STXBP4: variants seen among roughly 807,000 people sequenced by gnomAD.
STXBP4 encodes the protein syntaxin-binding protein 4.
In STXBP4, 55 loss-of-function variants were observed where a neutral mutation model predicts 76.1. The ratio of observed to expected loss-of-function variants is 0.72; its 90% CI spans 0.58 to 0.91. The LOEUF (loss-of-function observed/expected upper bound fraction) is 0.91, where lower values mean the gene tolerates loss of function less well. Ranked by LOEUF, STXBP4 falls within the 40% of genes least tolerant of loss-of-function variation. The pLI, the probability that STXBP4 is intolerant of heterozygous loss-of-function variation, is 0.00. For missense variants in STXBP4, 618 were observed against 636.9 expected (o/e 0.97, Z 0.32); for synonymous variants, 201 against 220.2 (o/e 0.91, Z 0.77).
the STXBP4 span, among the ~76,000 whole-genome samples, chr17:55,193,830 A>AAAT: frequency 6.6e-6 from 1 of 151,354 alleles, no homozygotes; most frequent in East Asian, 1.9e-4. Flanking sequence ...AAAAAAAAAA[A>AAAT]AAAACGTAAT....
Position 55,169,228 on chromosome 17 carries a change from G to A in STXBP4, c.*9317G>A, listed in dbSNP as rs1162476996. ...AAACCCACAAAAAGTGTGATGTCAA[G>A]CAAAGCCTATTCTGGAGATGACTTT... On this transcript the variant is annotated 3_prime_UTR_variant, in exon 18 of 18. Coordinates refer to ENST00000376352, the MANE Select transcript of STXBP4 (RefSeq NM_178509.6). 3 of 152,210 alleles carry A rather than the reference G, an allele frequency of 2.0e-5. No homozygotes were observed. The East Asian group carries it at 5.8e-4, about 29-fold the overall frequency. 9.4% of individuals were successfully genotyped at this position (152,210 alleles called of 1,614,324 possible).
At chr17:55,119,813 A>G (rs1198797294) in intron 16 of STXBP4, among the ~76,000 whole-genome samples, 1 of 152,106 alleles carries the variant, frequency 6.6e-6, no homozygotes, top group South Asian at 2.1e-4. Context: ...AAATCTTACA[A>G]TATTAGTTAA....
At position 55,081,058 on chromosome 17, in the gene STXBP4, G is replaced by T; in HGVS notation, c.1364G>T (p.Arg455Ile). ...STPLSNLSER[R>I]AVLASQTSLT... ...TTTTATTGCCTTCATAGTGAAAGAA[G>T]AGCTGTGTTAGCTTCTCAGACTTCC... The change falls in exon 16 of 18, where the codon AGA becomes ATA. Residue 455 changes from arginine to isoleucine, a missense_variant. By Grantham distance (97) the Arg-to-Ile change is moderately conservative. Transcript: ENST00000376352. The T allele has an allele frequency of 6.7e-7, 1 of 1,499,060 alleles. No individual in the cohort carries two copies. Among genetic ancestry groups the T allele is most frequent in the Non-Finnish European group, 8.8e-7 (1 of 1,130,320 alleles). The allele number at this position is 1,499,060 out of a possible 1,614,324, so 92.9% of individuals were successfully genotyped here.
intron 8 of STXBP4, among the ~76,000 whole-genome samples, 181 bp downstream of exon 8, chr17:55,007,778 T>A (rs2078035680): frequency 6.6e-6 from 1 of 152,202 alleles, no homozygotes; most frequent in Non-Finnish European, 1.5e-5. Flanking sequence ...TAGTTCATGG[T>A]GGTTCACTAG....
At position 55,164,969 on chromosome 17, in the gene STXBP4, G is replaced by T. The variant is rs2080369036; in HGVS notation, c.*5058G>T. ...TGAGATATATGTGTTTCTAGCCCTT[G>T]TGTAATTCGTATTCTATGCAAAGGA... On this transcript the variant is annotated 3_prime_UTR_variant, in exon 18 of 18. Coordinates refer to ENST00000376352, the MANE Select transcript of STXBP4 (RefSeq NM_178509.6). 6.6e-6 allele frequency: 1 copy of T among 152,074 alleles called. No individual in the cohort carries two copies. 9.4% of individuals were successfully genotyped at this position (152,074 alleles called of 1,614,324 possible).
At chr17:55,063,995 A>C (rs1313968629) in intron 12 of STXBP4, among the ~76,000 whole-genome samples, 1 of 152,156 alleles carries the variant, frequency 6.6e-6, no homozygotes, top group Admixed American at 6.5e-5. Context: ...AATACTATAA[A>C]ACTCTTATCT....
At chr17:55,145,389 CAGAAG>C (rs977367405) in intron 17 of STXBP4, among the ~76,000 whole-genome samples, 1 of 152,124 alleles carries the variant, frequency 6.6e-6, no homozygotes, top group African/African-American at 2.4e-5. Flanking sequence ...CCCAGAACAC[CAGAAG>C]AGATGATGGT....
intron 16 of STXBP4, among the ~76,000 whole-genome samples, chr17:55,106,572 T>C (rs2079637562): frequency 6.6e-6 from 1 of 152,208 alleles, no homozygotes; most frequent in South Asian, 2.1e-4. Flanking sequence ...TCTTTACAAT[T>C]TGGTATGTTT....
intron 12 of STXBP4, among the ~76,000 whole-genome samples, chr17:55,056,603 A>G (rs2078925637): frequency 6.6e-6 from 1 of 152,168 alleles, no homozygotes; most frequent in African/African-American, 2.4e-5. Flanking sequence ...TCAGCTCAGT[A>G]TTATTAGCAT....
chr17:55,187,463 G>A, the STXBP4 span, among the ~76,000 whole-genome samples: 1 of 151,994 alleles, frequency 6.6e-6, no homozygotes, highest in Non-Finnish European at 1.5e-5. Context: ...AGTGTTCTAT[G>A]GAGCCCATTC....
chr17:54,995,562 A>G (rs1181129510), intron 4 of STXBP4, among the ~76,000 whole-genome samples: 3 of 152,178 alleles, frequency 2.0e-5, no homozygotes, highest in African/African-American at 7.2e-5. Context: ...TTCCTCTTCT[A>G]TCTCTGAAAT....
At chr17:55,097,425 G>T (rs970290692) in intron 16 of STXBP4, among the ~76,000 whole-genome samples, 2 of 151,910 alleles carry the variant, frequency 1.3e-5, no homozygotes, top group African/African-American at 2.4e-5. Flanking sequence ...GCACTTTGGG[G>T]GGCCAAGGCG....
At chr17:55,112,788 T>A (rs1320663329) in intron 16 of STXBP4, among the ~76,000 whole-genome samples, 1 of 151,978 alleles carries the variant, frequency 6.6e-6, no homozygotes. Context: ...TTTGGGACAG[T>A]TCAGAGGAGG....
chr17:55,189,336 G>C, the STXBP4 span, among the ~76,000 whole-genome samples: 1 of 152,192 alleles, frequency 6.6e-6, no homozygotes, highest in Admixed American at 6.5e-5. Flanking sequence ...TTTATAAAAT[G>C]TGTGACTTGA....
intron 16 of STXBP4, among the ~76,000 whole-genome samples, chr17:55,141,049 G>T (rs1677266881): frequency 6.6e-6 from 1 of 152,124 alleles, no homozygotes; most frequent in African/African-American, 2.4e-5. Flanking sequence ...TGACAAAAAT[G>T]CTCACCACAT....
intron 16 of STXBP4, among the ~76,000 whole-genome samples, chr17:55,118,583 A>G (rs2079808931): frequency 6.6e-6 from 1 of 151,924 alleles, no homozygotes; most frequent in South Asian, 2.1e-4. Flanking sequence ...AAATAAATGT[A>G]AGAATCTTTA....
intron 16 of STXBP4, among the ~76,000 whole-genome samples, chr17:55,085,091 A>C (rs957748798): frequency 2.0e-5 from 3 of 152,180 alleles, no homozygotes; most frequent in African/African-American, 7.2e-5. Context: ...CATCATTCTC[A>C]GTAAACTATC....
intron 16 of STXBP4, among the ~76,000 whole-genome samples, chr17:55,101,405 CA>C (rs1340222865): frequency 3.3e-5 from 5 of 152,196 alleles, no homozygotes; most frequent in East Asian, 3.9e-4. Context: ...ATTAAGACAC[CA>C]GCCTCCAGAA....
chr17:55,060,711 A>G (rs937060101), intron 12 of STXBP4, among the ~76,000 whole-genome samples: 5 of 152,206 alleles, frequency 3.3e-5, no homozygotes, highest in Non-Finnish European at 5.9e-5. Context: ...GTCTTACAGA[A>G]TAACCGAGCT....
Sources: allele counts gnomAD v4.1 joint callset (sites outside exome capture counted in the v4.1 genomes callset), GRCh38; gene constraint gnomAD v4.1.1; transcripts MANE v1.5; gene names NCBI Gene and HGNC (gene_info 2026-07-23, HGNC 2026-07-21).